The following EDIL3 variants were observed in gnomAD, a reference collection of about 807,000 sequenced individuals.
EDIL3 encodes EGF like and discoidin domains 3.
In EDIL3, 37 loss-of-function variants were observed where a neutral mutation model predicts 67.4. The observed-to-expected ratio is 0.55, with a 90% CI of 0.42 to 0.72. The LOEUF (loss-of-function observed/expected upper bound fraction) is 0.72, where lower values mean the gene tolerates loss of function less well. Ranked by LOEUF, EDIL3 falls within the 30% of genes least tolerant of loss-of-function variation. The pLI, the probability that EDIL3 is intolerant of heterozygous loss-of-function variation, is 0.00. For missense variants in EDIL3, 527 were observed against 586.3 expected (o/e 0.90, Z 1.04); for synonymous variants, 195 against 196.3 (o/e 0.99, Z 0.05).
In EDIL3 at chr5:83,965,252, T is replaced by A. The variant is rs187734318; in HGVS notation, c.1138-1892A>T. On this transcript the variant is annotated intron_variant, in intron 9 of 10. Coordinates refer to ENST00000296591, the MANE Select transcript of EDIL3 (RefSeq NM_005711.5). ...ACCACACTCGTCAAACTGACAGCAATTTAAGTCAAACAAAAACAATCCTGG... is the reference window on the plus strand; with the variant it reads ...ACCACACTCGTCAAACTGACAGCAAATTAAGTCAAACAAAAACAATCCTGG... Among the ~76,000 whole-genome samples, 628 of 152,226 alleles carry A rather than the reference T, an allele frequency of 4.1e-3. 3 individuals carry two copies. Among genetic ancestry groups the A allele is most frequent in the Non-Finnish European group, 5.8e-3 (394 of 68,000 alleles).
chr5:84,189,150 G>A (rs1054646582), intron 3 of EDIL3, among the ~76,000 whole-genome samples: 11 of 151,926 alleles, frequency 7.2e-5, no homozygotes, highest in Admixed American at 2.6e-4. Flanking sequence ...CTTGGTTCTC[G>A]TCACAGAGTA....
At chr5:84,167,145 A>G (rs1042754420) in intron 4 of EDIL3, among the ~76,000 whole-genome samples, 4 of 152,138 alleles carry the variant, frequency 2.6e-5, no homozygotes, top group Non-Finnish European at 5.9e-5. Flanking sequence ...GAGCAAGTGT[A>G]GAGTCAGCAA....
intron 9 of EDIL3, among the ~76,000 whole-genome samples, chr5:84,047,330 G>A (rs1580297901): frequency 6.6e-6 from 1 of 151,926 alleles, no homozygotes; most frequent in African/African-American, 2.4e-5. Flanking sequence ...CTTGTCTTAT[G>A]GAAGTTTTTG....
chr5:84,114,758 C>T (rs767037180), intron 5 of EDIL3, among the ~76,000 whole-genome samples: 4 of 152,190 alleles, frequency 2.6e-5, no homozygotes, highest in Admixed American at 6.5e-5. Context: ...TAGATAAATG[C>T]TAATTTTTCT....
chr5:83,969,211 G>A (rs1744749505), intron 9 of EDIL3, among the ~76,000 whole-genome samples: 1 of 151,296 alleles, frequency 6.6e-6, no homozygotes, highest in Admixed American at 6.6e-5. Context: ...GTCATTTTAA[G>A]GAGTTATTAC....
chr5:84,137,402 G>A, intron 4 of EDIL3, 48 bp from the exon 5 acceptor site: 1 of 1,522,404 alleles, frequency 6.6e-7, no homozygotes, highest in South Asian at 1.2e-5. Flanking sequence ...GGTAAAAAAT[G>A]ATTAGATATT....
intron 9 of EDIL3, among the ~76,000 whole-genome samples, chr5:84,015,609 G>A (rs534533726): frequency 6.6e-6 from 1 of 152,146 alleles, no homozygotes; most frequent in East Asian, 1.9e-4. Context: ...AGGGATGAAA[G>A]ATAAAAATGT....
intron 1 of EDIL3, among the ~76,000 whole-genome samples, chr5:84,303,573 A>G (rs2112132971): frequency 6.6e-6 from 1 of 152,296 alleles, no homozygotes; most frequent in Non-Finnish European, 1.5e-5. Flanking sequence ...TGCACTCCCC[A>G]ATGAATTTAG....
At chr5:84,262,499 C>A (rs964729546) in intron 1 of EDIL3, among the ~76,000 whole-genome samples, 1 of 151,868 alleles carries the variant, frequency 6.6e-6, no homozygotes, top group Admixed American at 6.6e-5. Context: ...ATCAGCAAAT[C>A]ATAAATAAGG....
At position 84,180,518 on chromosome 5, in the gene EDIL3, G is replaced by C. The variant is rs1257474099; in HGVS notation, c.230C>G (p.Pro77Arg). The C allele has an allele frequency of 6.4e-7, 1 of 1,569,158 alleles. No homozygotes were observed. The highest frequency in any genetic ancestry group is 1.4e-5 in the African/African-American group (1 of 72,490). The change falls in exon 4 of 11, where the codon CCC (proline) becomes CGC (arginine). Residue 77 changes from proline to arginine, a missense_variant. By Grantham distance (103) the Pro-to-Arg change is moderately radical. Coordinates refer to ENST00000296591, the MANE Select transcript of EDIL3 (RefSeq NM_005711.5). Reference sequence around the variant, plus strand: ...ATTATGGCATGGATTAGGAGTGCAGGGACCTGAAAGACAGAAAAAAATATT... The same window carrying C: ...ATTATGGCATGGATTAGGAGTGCAGCGACCTGAAAGACAGAAAAAAATATT... ...SDEEEPTSAGPCTPNPCHNGG... is the reference protein window; with the variant it reads ...SDEEEPTSAGRCTPNPCHNGG...
At chr5:84,027,546 T>TTTTTATTTTATTTTA (rs3043885) in intron 9 of EDIL3, among the ~76,000 whole-genome samples, 34,806 of 146,088 alleles carry the variant, frequency 0.24, 4,694 homozygotes, top group South Asian at 0.32. Context: ...ACACCATCCA[T>TTTTTATTTTATTTTA]TTTTATTTTA....
chr5:84,065,680 C>A (rs1746626943), intron 7 of EDIL3, among the ~76,000 whole-genome samples: 1 of 151,828 alleles, frequency 6.6e-6, no homozygotes, highest in Non-Finnish European at 1.5e-5. Context: ...ATATTCAATA[C>A]CTCTAAAATA....
chr5:84,183,111 A>G (rs1029541996), intron 3 of EDIL3, among the ~76,000 whole-genome samples: 1 of 152,156 alleles, frequency 6.6e-6, no homozygotes. Context: ...AGTGCCTTAC[A>G]ATTTATAAAC....
At chr5:84,282,898 T>C (rs1745732775) in intron 1 of EDIL3, among the ~76,000 whole-genome samples, 1 of 152,216 alleles carries the variant, frequency 6.6e-6, no homozygotes, top group African/African-American at 2.4e-5. Context: ...GTAACTGTTA[T>C]TTCTTTTTCA....
At chr5:84,121,538 G>GATCGATCGATCTATCT (rs761445154) in intron 5 of EDIL3, among the ~76,000 whole-genome samples, 25 of 129,908 alleles carry the variant, frequency 1.9e-4, no homozygotes, top group African/African-American at 5.7e-4. Flanking sequence ...AACTTAGATC[G>GATCGATCGATCTATCT]ATCTATCTAT....
At chr5:84,290,201 G>A (rs1745885158) in intron 1 of EDIL3, among the ~76,000 whole-genome samples, 1 of 152,082 alleles carries the variant, frequency 6.6e-6, no homozygotes, top group African/African-American at 2.4e-5. Context: ...GCTTGATGCT[G>A]GGGTGAAAAA....
intron 1 of EDIL3, among the ~76,000 whole-genome samples, chr5:84,368,560 T>C (rs541273196): frequency 2.4e-4 from 37 of 152,038 alleles, no homozygotes; most frequent in Non-Finnish European, 3.4e-4. Flanking sequence ...TTCACAACAT[T>C]AGATTTGGCA....
intron 9 of EDIL3, among the ~76,000 whole-genome samples, chr5:84,022,185 T>G (rs1337191136): frequency 6.6e-6 from 1 of 151,804 alleles, no homozygotes; most frequent in African/African-American, 2.4e-5. Context: ...CCAAAACATA[T>G]TCAATAACAC....
At chr5:84,102,469 T>G (rs1233635260) in intron 6 of EDIL3, among the ~76,000 whole-genome samples, 1 of 151,744 alleles carries the variant, frequency 6.6e-6, no homozygotes, top group Non-Finnish European at 1.5e-5. Flanking sequence ...TAGGCCCGAA[T>G]GATCCTTAAG....
Sources: allele counts gnomAD v4.1 joint callset (sites outside exome capture counted in the v4.1 genomes callset), GRCh38; gene constraint gnomAD v4.1.1; transcripts MANE v1.5; gene names NCBI Gene and HGNC (gene_info 2026-07-23, HGNC 2026-07-21).